PRR5L: variants seen among roughly 807,000 people sequenced by gnomAD.
PRR5L encodes proline-rich protein 5-like.
Under a neutral mutation model 36.4 loss-of-function variants are expected in PRR5L, and 21 were observed. The observed-to-expected ratio is 0.58, with a 90% CI of 0.41 to 0.83. The LOEUF (loss-of-function observed/expected upper bound fraction) is 0.83, where lower values mean the gene tolerates loss of function less well. Among genes scored for constraint, PRR5L ranks in the 40% least tolerant of loss-of-function variants. The pLI, the probability that PRR5L is intolerant of heterozygous loss-of-function variation, is 0.00. For missense variants in PRR5L, 381 were observed against 473.3 expected (o/e 0.80, Z 1.81); for synonymous variants, 188 against 197.0 (o/e 0.95, Z 0.38).
At chr11:36,399,182 G>C (rs1025041269) in intron 1 of PRR5L, among the ~76,000 whole-genome samples, 3 of 152,092 alleles carry the variant, frequency 2.0e-5, no homozygotes, top group African/African-American at 7.2e-5. Context: ...TCTGAAACTT[G>C]ACAGCCTGTT....
rs539435170 is a variant in PRR5L at position 36,350,885 on chromosome 11, C to A, written c.-125-50112C>A. ...GGCATTATTTCATCCCTTTTTACGG[C>A]TGAGTAGTATTCCATGGTAAATATA... On this transcript the variant is annotated intron_variant, in intron 1 of 8. Coordinates refer to ENST00000530639, the MANE Select transcript of PRR5L (RefSeq NM_001160167.2). Among the ~76,000 whole-genome samples the A allele has an allele frequency of 2.8e-4, 35 of 125,232 alleles. 1 individual carries two copies. Among genetic ancestry groups the A allele is most frequent in the Admixed American group, 6.9e-4 (7 of 10,202 alleles). The allele number at this position is 125,232 out of a possible 152,430, so 82.2% of individuals were successfully genotyped here. A position where few individuals can be genotyped will look rare whatever the true frequency, so the allele number is the denominator to read the frequency against.
At chr11:36,461,701 C>G (rs180750995) in intron 8 of PRR5L, among the ~76,000 whole-genome samples, 8 of 152,066 alleles carry the variant, frequency 5.3e-5, no homozygotes, top group Non-Finnish European at 7.4e-5. Flanking sequence ...ATCCATGGAA[C>G]CTAGCCTGTT....
At chr11:36,362,767 A>C (rs1857104373) in intron 1 of PRR5L, among the ~76,000 whole-genome samples, 1 of 152,102 alleles carries the variant, frequency 6.6e-6, no homozygotes, top group Non-Finnish European at 1.5e-5. Flanking sequence ...TCAAAGATAA[A>C]TAATGTGCTG....
chr11:36,339,267 T>G (rs1377692935), intron 1 of PRR5L, among the ~76,000 whole-genome samples: 2 of 152,206 alleles, frequency 1.3e-5, no homozygotes, highest in Non-Finnish European at 2.9e-5. Flanking sequence ...CTAATTTTTG[T>G]ATTTTTAGTA....
chr11:36,310,995 C>A (rs1273766475), intron 1 of PRR5L, among the ~76,000 whole-genome samples: 422 of 88,332 alleles, frequency 4.8e-3, no homozygotes, highest in Admixed American at 6.5e-3. Flanking sequence ...ACTCCGTCTC[C>A]AAAAAAAAAA....
chr11:36,358,100 C>G (rs1190012370), intron 1 of PRR5L, among the ~76,000 whole-genome samples: 2 of 152,134 alleles, frequency 1.3e-5, no homozygotes, highest in Non-Finnish European at 2.9e-5. Context: ...GAGATAGAAC[C>G]TCCTCCTGAT....
At chr11:36,307,188 A>G (rs1297531058) in intron 1 of PRR5L, among the ~76,000 whole-genome samples, 1 of 152,196 alleles carries the variant, frequency 6.6e-6, no homozygotes, top group Non-Finnish European at 1.5e-5. Context: ...ATGCTGTGAG[A>G]TATTTCCCCC....
intron 4 of PRR5L, among the ~76,000 whole-genome samples, chr11:36,422,228 A>T (rs1014135870): frequency 6.6e-6 from 1 of 152,198 alleles, no homozygotes; most frequent in Admixed American, 6.5e-5. Flanking sequence ...ATAAGGAGAC[A>T]CGTCCCAGAG....
At chr11:36,428,022 T>G (rs976665586) in intron 4 of PRR5L, among the ~76,000 whole-genome samples, 1 of 152,222 alleles carries the variant, frequency 6.6e-6, no homozygotes, top group African/African-American at 2.4e-5. Context: ...ACTGCAGCAC[T>G]GCCAGTCCAG....
At position 36,462,519 on chromosome 11, in the gene PRR5L, C is replaced by T. The variant is rs147844376; in HGVS notation, c.890C>T (p.Ser297Leu). 1.0e-4 allele frequency: 165 copies of T among 1,608,428 alleles called. No homozygotes were observed. The South Asian group carries it at 1.7e-3, about 16-fold the overall frequency. Residue 297 changes from serine (S) to leucine (L), a missense_variant, in exon 9 of 9, where the codon TCG becomes TTG. Physicochemically the swap from Ser to Leu is moderately radical, Grantham distance 145. Transcript: ENST00000530639. ...VRRHTVANAH[S>L]DIQLLAMATM... ...CGGCACACGGTGGCCAATGCCCACTCGGACATCCAGCTGCTGGCCATGGCC... is the reference window on the plus strand; with the variant it reads ...CGGCACACGGTGGCCAATGCCCACTTGGACATCCAGCTGCTGGCCATGGCC...
chr11:36,451,758 A>G (rs1858950085), intron 8 of PRR5L, among the ~76,000 whole-genome samples: 1 of 152,196 alleles, frequency 6.6e-6, no homozygotes, highest in Non-Finnish European at 1.5e-5. Context: ...ATGTCAGGCC[A>G]ACTTGTATGC....
intron 1 of PRR5L, among the ~76,000 whole-genome samples, chr11:36,298,982 A>C (rs1275045120): frequency 1.3e-5 from 2 of 152,198 alleles, no homozygotes; most frequent in Admixed American, 6.5e-5. Context: ...TCACATTTTT[A>C]AAGGTCCTGC....
intron 1 of PRR5L, among the ~76,000 whole-genome samples, chr11:36,316,187 C>CA: frequency 6.6e-6 from 1 of 152,236 alleles, no homozygotes; most frequent in South Asian, 2.1e-4. Context: ...TCAACACTGC[C>CA]ATTGTAGGGC....
chr11:36,340,309 C>A (rs919160113), intron 1 of PRR5L, among the ~76,000 whole-genome samples: 1 of 152,188 alleles, frequency 6.6e-6, no homozygotes, highest in African/African-American at 2.4e-5. Flanking sequence ...TGCCCATGGG[C>A]TCAGGCTGCC....
chr11:36,438,531 T>C (rs7930554), intron 6 of PRR5L, among the ~76,000 whole-genome samples: 33,325 of 152,158 alleles, frequency 0.22, 3,882 homozygotes, highest in East Asian at 0.41. Flanking sequence ...TCCAGTAAGA[T>C]AGTACAGATA....
chr11:36,417,741 C>T (rs1009232793), intron 3 of PRR5L, among the ~76,000 whole-genome samples: 5 of 152,216 alleles, frequency 3.3e-5, no homozygotes, highest in African/African-American at 4.8e-5. Context: ...TTTCTCTGCA[C>T]ATAACATCTT....
chr11:36,345,392 G>A (rs917758223), intron 1 of PRR5L, among the ~76,000 whole-genome samples: 2 of 152,142 alleles, frequency 1.3e-5, no homozygotes, highest in Non-Finnish European at 2.9e-5. Context: ...GTAACCCGCC[G>A]TAGGGAACAT....
chr11:36,388,685 C>T (rs1289079980), intron 1 of PRR5L, among the ~76,000 whole-genome samples: 1 of 141,630 alleles, frequency 7.1e-6, no homozygotes, highest in Admixed American at 7.5e-5. Flanking sequence ...CATTCAAGGT[C>T]GGCTCTTTCT....
At chr11:36,306,005 T>G (rs1227931839) in intron 1 of PRR5L, among the ~76,000 whole-genome samples, 1 of 151,830 alleles carries the variant, frequency 6.6e-6, no homozygotes, top group Non-Finnish European at 1.5e-5. Context: ...TGGGCCTAGC[T>G]TATGTCACTT....
Sources: allele counts gnomAD v4.1 joint callset (sites outside exome capture counted in the v4.1 genomes callset), GRCh38; gene constraint gnomAD v4.1.1; transcripts MANE v1.5; gene names NCBI Gene and HGNC (gene_info 2026-07-23, HGNC 2026-07-21).